The following PCDHGA3 variants were observed in gnomAD, a reference collection of about 807,000 sequenced individuals.
PCDHGA3 encodes protocadherin gamma-A3.
In PCDHGA3, 40 loss-of-function variants were observed where a neutral mutation model predicts 58.5. The ratio of observed to expected loss-of-function variants is 0.68; its 90% CI spans 0.53 to 0.89. The LOEUF is 0.89. Among genes scored for constraint, PCDHGA3 ranks in the 40% least tolerant of loss-of-function variants. The pLI is 0.00. For missense variants in PCDHGA3, 1,223 were observed against 1,195.9 expected (o/e 1.02, Z -0.33); for synonymous variants, 530 against 525.7 (o/e 1.01, Z -0.11).
chr5:141,478,210 A>G, intron 1 of PCDHGA3: 1 of 1,614,064 alleles, frequency 6.2e-7, no homozygotes, highest in East Asian at 2.2e-5. Flanking sequence ...TTCTTTCTCT[A>G]ATCCTGGTTT....
chr5:141,487,377 C>T lies in PCDHGA3; in HGVS notation c.2425-7430C>T, dbSNP rs758216933. Reference sequence around the variant, plus strand: ...CCTGCTGGCACCTGTGCCTGTCTCACCAGATCTCGAAGGAGGGAGGGGCTT... The same window carrying T: ...CCTGCTGGCACCTGTGCCTGTCTCATCAGATCTCGAAGGAGGGAGGGGCTT... On this transcript the variant is annotated intron_variant, in intron 1 of 3. Transcript: ENST00000253812. The surrounding 1 kb of genome is among the most constrained non-coding windows in gnomAD (Gnocchi z 5.0). 6.2e-7 allele frequency: 1 copy of T among 1,614,190 alleles called. No homozygotes were observed. Among genetic ancestry groups the T allele is most frequent in the Non-Finnish European group, 8.5e-7 (1 of 1,180,034 alleles).
At position 141,403,267 on chromosome 5, in the gene PCDHGA3, C is replaced by T. The variant is rs767670942; in HGVS notation, c.2424+56810C>T. On this transcript the variant is annotated intron_variant, in intron 1 of 3. Transcript: ENST00000253812. ...CTCAGAGCCCGCGGTGTCTGGTGAA[C>T]TTTAAAGTCCTGGTTGAAGACAGAG... is the stretch of plus-strand genomic sequence containing the variant. 4.4e-5 allele frequency: 71 copies of T among 1,613,770 alleles called. No homozygotes were observed. Among genetic ancestry groups the T allele is most frequent in the Non-Finnish European group, 5.8e-5 (69 of 1,179,916 alleles).
At chr5:141,350,546 A>G in intron 1 of PCDHGA3, 2 of 1,614,024 alleles carry the variant, frequency 1.2e-6, no homozygotes, top group Non-Finnish European at 1.7e-6. Context: ...TTGCGGAAGG[A>G]AACTTGAGTG....
At chr5:141,448,663 G>A (rs1195703194) in intron 1 of PCDHGA3, among the ~76,000 whole-genome samples, 3 of 151,920 alleles carry the variant, frequency 2.0e-5, no homozygotes, top group African/African-American at 7.3e-5. Flanking sequence ...CATATTGGCC[G>A]GGCGCGGTGG....
At chr5:141,403,860 C>A (rs201458472) in intron 1 of PCDHGA3, 1 of 1,613,382 alleles carries the variant, frequency 6.2e-7, no homozygotes, top group Non-Finnish European at 8.5e-7. Flanking sequence ...GAAATATCAA[C>A]AGCAAAAAGT....
chr5:141,381,689 C>A lies in PCDHGA3; in HGVS notation c.2424+35232C>A, dbSNP rs548691945. 4.6e-5 allele frequency among the ~76,000 whole-genome samples: 7 copies of A among 152,268 alleles called. No individual in the cohort carries two copies. In the South Asian group the frequency reaches 1.2e-3, roughly 27 times the overall value. ...AGCTGATTGCTGCAGCCAAGACAAA[C>A]AACGATTTCTTTCTTTTTTTCTCAC... On this transcript the variant is annotated intron_variant, in intron 1 of 3. Transcript: ENST00000253812.
At chr5:141,355,511 C>T in intron 1 of PCDHGA3, 1 of 1,614,022 alleles carries the variant, frequency 6.2e-7, no homozygotes, top group Admixed American at 1.7e-5. Context: ...AACTGTGTGA[C>T]AAACCTGGAG....
rs759654962 is a variant in PCDHGA3 at position 141,345,571 on chromosome 5, T to A, written c.1538T>A (p.Val513Asp). ...GTCTCTATCAACTCCAACACTGGCG[T>A]CCTATACGCGCTGAGATCCTTCGAC... ...SFVSINSNTG[V>D]LYALRSFDYE... Residue 513 changes from valine (V) to aspartate (D), a missense_variant, in exon 1 of 4, where the codon GTC becomes GAC. This residue lies in a region of PCDHGA3 where 791 missense variants were observed against 708.5 expected (regional missense o/e 1.12). Transcript: ENST00000253812. The A allele has an allele frequency of 1.2e-6, 2 of 1,614,126 alleles. No homozygotes were observed. Among genetic ancestry groups the A allele is most frequent in the Non-Finnish European group, 1.7e-6 (2 of 1,180,026 alleles).
At chr5:141,368,627 T>C (rs1237870416) in intron 1 of PCDHGA3, among the ~76,000 whole-genome samples, 2 of 152,216 alleles carry the variant, frequency 1.3e-5, no homozygotes, top group Non-Finnish European at 2.9e-5. Context: ...ACATTTCTTC[T>C]GAGTTAAATG....
intron 1 of PCDHGA3, among the ~76,000 whole-genome samples, chr5:141,475,511 A>T (rs1240718716): frequency 6.6e-6 from 1 of 152,240 alleles, no homozygotes; most frequent in African/African-American, 2.4e-5. Context: ...TAATGTCTCC[A>T]CGGAAATGCT....
chr5:141,499,493 A>G (rs1322531312), intron 2 of PCDHGA3, among the ~76,000 whole-genome samples: 1 of 152,222 alleles, frequency 6.6e-6, no homozygotes, highest in African/African-American at 2.4e-5. Context: ...CTACAGTTTA[A>G]TATGAAACAT....
chr5:141,460,951 G>GTA (rs200454978), intron 1 of PCDHGA3, among the ~76,000 whole-genome samples: 2,366 of 139,742 alleles, frequency 0.017, 20 homozygotes, highest in Middle Eastern at 0.037. Flanking sequence ...TATGTATTAT[G>GTA]TATATATATA....
intron 2 of PCDHGA3, among the ~76,000 whole-genome samples, chr5:141,504,689 G>A (rs1395389800): frequency 6.6e-6 from 1 of 151,502 alleles, no homozygotes; most frequent in South Asian, 2.1e-4. Context: ...TAAAATAGGA[G>A]GGGCAGGTTC....
At chr5:141,412,067 G>A (rs1428018643) in intron 1 of PCDHGA3, 2 of 152,170 alleles carry the variant, frequency 1.3e-5, no homozygotes, top group Non-Finnish European at 2.9e-5. Context: ...TTGCATTTGA[G>A]GGAACAATTG....
At chr5:141,502,660 A>T (rs1423714257) in intron 2 of PCDHGA3, among the ~76,000 whole-genome samples, 2 of 152,208 alleles carry the variant, frequency 1.3e-5, no homozygotes, top group African/African-American at 4.8e-5. Flanking sequence ...GCAACCCTTC[A>T]TGCAATTTTA....
At chr5:141,357,102 CAG>C (rs1760470254) in intron 1 of PCDHGA3, 1 of 1,613,746 alleles carries the variant, frequency 6.2e-7, no homozygotes, top group Admixed American at 1.7e-5. Context: ...CCCTGCTGGA[CAG>C]AGACGCGCTC....
chr5:141,458,556 T>C (rs1424881453), intron 1 of PCDHGA3, among the ~76,000 whole-genome samples: 1 of 145,670 alleles, frequency 6.9e-6, no homozygotes, highest in Non-Finnish European at 1.5e-5. Flanking sequence ...TTGTTTGTTT[T>C]GGTTTTGGGT....
rs565524310 is a variant in PCDHGA3, at chr5:141,375,830, G to A, written c.2424+29373G>A. The stretch of plus-strand genomic sequence containing the variant: ...CGTGGAGCTGGCGCCCCGCTCCGCA[G>A]AGCCCGGCTACCTGGTGACCAAGGT... On this transcript the variant is annotated intron_variant, in intron 1 of 3. Transcript: ENST00000253812. 6.8e-6 allele frequency: 11 copies of A among 1,614,152 alleles called. No homozygotes were observed. In the East Asian group the frequency reaches 2.2e-4, roughly 33 times the overall value.
chr5:141,454,272 A>G (rs1226625529), intron 1 of PCDHGA3, among the ~76,000 whole-genome samples: 1 of 152,200 alleles, frequency 6.6e-6, no homozygotes, highest in Non-Finnish European at 1.5e-5. Context: ...ATGCCAGCAA[A>G]AACTTCACAT....
Sources: allele counts gnomAD v4.1 joint callset (sites outside exome capture counted in the v4.1 genomes callset), GRCh38; gene constraint gnomAD v4.1.1; regional missense constraint gnomAD v4.1.1; non-coding constraint Gnocchi (gnomAD v3.1); transcripts MANE v1.5; gene names NCBI Gene and HGNC (gene_info 2026-07-23, HGNC 2026-07-21).